The following DSCAM variants were observed in gnomAD, a reference collection of about 807,000 sequenced individuals.
DSCAM encodes DS cell adhesion molecule.
A neutral mutation model predicts 217.7 loss-of-function variants in DSCAM; 47 were observed. That is an observed-to-expected ratio of 0.22 (90% CI 0.17 to 0.28). The LOEUF (loss-of-function observed/expected upper bound fraction) is 0.28, where lower values mean the gene tolerates loss of function less well. Among genes scored for constraint, DSCAM ranks in the 10% least tolerant of loss-of-function variants. The pLI is 1.00. For synonymous variants in DSCAM, 1,056 were observed against 1,015.3 expected, an observed-to-expected ratio of 1.04 and a Z score of -0.76; for missense variants, 2,080 against 2,618.3, an observed-to-expected ratio of 0.79 and a Z score of 4.49.
chr21:40,765,099 GAA>G (rs57966573), intron 1 of DSCAM, among the ~76,000 whole-genome samples: 13,033 of 104,004 alleles, frequency 0.13, 766 homozygotes, highest in South Asian at 0.24. Flanking sequence ...ATGTATCACA[GAA>G]AAAAAAAAAA....
intron 18 of DSCAM, among the ~76,000 whole-genome samples, chr21:40,134,408 T>C (rs1270479678): frequency 6.6e-6 from 1 of 152,192 alleles, no homozygotes; most frequent in Non-Finnish European, 1.5e-5. Flanking sequence ...GCAGCCCCAC[T>C]GCCGACTATT....
At chr21:40,332,920 T>C (rs1342306180) in intron 8 of DSCAM, among the ~76,000 whole-genome samples, 1 of 152,200 alleles carries the variant, frequency 6.6e-6, no homozygotes, top group African/African-American at 2.4e-5. Flanking sequence ...TAAACACATA[T>C]GCACACACTT....
chr21:40,755,723 T>C (rs975623229), intron 1 of DSCAM, among the ~76,000 whole-genome samples: 9 of 152,206 alleles, frequency 5.9e-5, no homozygotes, highest in African/African-American at 2.2e-4. Context: ...CAAAGTTTAC[T>C]GATGTGAATT....
intron 1 of DSCAM, among the ~76,000 whole-genome samples, chr21:40,790,489 A>C (rs947691893): frequency 2.0e-5 from 3 of 152,198 alleles, no homozygotes; most frequent in Non-Finnish European, 4.4e-5. Context: ...AACCTATACT[A>C]GTTCTGACAG....
intron 32 of DSCAM, among the ~76,000 whole-genome samples, chr21:40,040,331 G>T (rs559343159): frequency 6.6e-6 from 1 of 152,156 alleles, no homozygotes; most frequent in South Asian, 2.1e-4. Flanking sequence ...CATGAGCAAA[G>T]GTCAAATTTT....
At position 40,328,567 on chromosome 21, in the gene DSCAM, C is replaced by T. The variant is rs140707712; in HGVS notation, c.1783+9534G>A. 7.4e-4 allele frequency among the ~76,000 whole-genome samples: 112 copies of T among 152,200 alleles called. 2 individuals carry two copies. In the East Asian group the frequency reaches 0.018, roughly 24 times the overall value. On this transcript the variant is annotated intron_variant, in intron 8 of 32. Coordinates refer to ENST00000400454, the MANE Select transcript of DSCAM (RefSeq NM_001389.5). ...CATAGGGAAAAATCTCCTAACATTGCTCTGGGCAGTGACTTTTGGTTATTA... is the reference window on the plus strand; with the variant it reads ...CATAGGGAAAAATCTCCTAACATTGTTCTGGGCAGTGACTTTTGGTTATTA...
intron 5 of DSCAM, among the ~76,000 whole-genome samples, chr21:40,352,769 A>G (rs2074646519): frequency 6.6e-6 from 1 of 152,114 alleles, no homozygotes; most frequent in Non-Finnish European, 1.5e-5. Flanking sequence ...ATTCACTTTA[A>G]TTTGGTTTCT....
chr21:40,759,116 A>G (rs910553250), intron 1 of DSCAM, among the ~76,000 whole-genome samples: 10 of 152,078 alleles, frequency 6.6e-5, no homozygotes, highest in Non-Finnish European at 1.3e-4. Context: ...GAAGGGACAC[A>G]TAGCTCCTCC....
chr21:40,479,615 G>T (rs539265577), intron 3 of DSCAM, among the ~76,000 whole-genome samples: 1 of 152,244 alleles, frequency 6.6e-6, no homozygotes, highest in Admixed American at 6.5e-5. Flanking sequence ...AAAACTATCA[G>T]ATCTCATTAC....
intron 3 of DSCAM, among the ~76,000 whole-genome samples, chr21:40,421,546 G>A (rs373278529): frequency 5.3e-5 from 8 of 152,312 alleles, no homozygotes; most frequent in East Asian, 1.9e-4. Flanking sequence ...TGCTCTCATA[G>A]GAGCTGCCAG....
intron 1 of DSCAM, among the ~76,000 whole-genome samples, chr21:40,781,992 C>CAAAAAAAAAAAAAAAA (rs57750960): frequency 4.0e-4 from 42 of 106,234 alleles, no homozygotes; most frequent in Non-Finnish European, 4.9e-4. Flanking sequence ...ACTAAAAATA[C>CAAAAAAAAAAAAAAAA]AAAAAAAAAA....
chr21:40,781,127 G>A (rs1237443758), intron 1 of DSCAM, among the ~76,000 whole-genome samples: 2 of 151,944 alleles, frequency 1.3e-5, no homozygotes. Context: ...TCCCACCTCA[G>A]CCTCCAGAGT....
chr21:40,333,857 C>G (rs1362806552), intron 8 of DSCAM, among the ~76,000 whole-genome samples: 1 of 152,112 alleles, frequency 6.6e-6, no homozygotes, highest in African/African-American at 2.4e-5. Flanking sequence ...ACCTAGGCCT[C>G]CCAAGTAGCT....
intron 11 of DSCAM, among the ~76,000 whole-genome samples, chr21:40,217,441 A>G (rs74698720): frequency 0.013 from 2,003 of 152,220 alleles, 42 homozygotes; most frequent in African/African-American, 0.044. Flanking sequence ...GGTTTGGGGT[A>G]CATGTGAAGG....
At chr21:40,354,094 A>G (rs999830363) in intron 4 of DSCAM, among the ~76,000 whole-genome samples, 1 of 152,186 alleles carries the variant, frequency 6.6e-6, no homozygotes, top group African/African-American at 2.4e-5. Flanking sequence ...AAGATCCTTA[A>G]TGGGTACAAA....
intron 1 of DSCAM, among the ~76,000 whole-genome samples, chr21:40,843,169 G>A (rs2092116220): frequency 6.6e-6 from 1 of 152,138 alleles, no homozygotes; most frequent in Non-Finnish European, 1.5e-5. Flanking sequence ...AAAATAGCAA[G>A]CGTGTGCTCT....
chr21:40,288,823 A>G (rs2073857797), intron 10 of DSCAM, among the ~76,000 whole-genome samples: 1 of 152,194 alleles, frequency 6.6e-6, no homozygotes. Flanking sequence ...CATCACATTT[A>G]TCCCCTTATT....
intron 21 of DSCAM, among the ~76,000 whole-genome samples, chr21:40,090,473 G>A (rs1400713476): frequency 3.9e-5 from 6 of 152,092 alleles, no homozygotes; most frequent in Admixed American, 2.0e-4. Context: ...TCACAGGAAG[G>A]TCACCACGAT....
intron 14 of DSCAM, among the ~76,000 whole-genome samples, chr21:40,186,803 G>A (rs1232407585): frequency 6.6e-6 from 1 of 152,204 alleles, no homozygotes; most frequent in Non-Finnish European, 1.5e-5. Context: ...GGGAGCAGGT[G>A]AAATAGAAAA....
Sources: gnomAD v4.1 joint callset for allele counts (sites outside exome capture counted in the v4.1 genomes callset) on GRCh38, gnomAD v4.1.1 for gene constraint, MANE v1.5 for transcripts, NCBI Gene and HGNC (gene_info 2026-07-23, HGNC 2026-07-21) for gene names.